OCA2: variants seen among roughly 807,000 people sequenced by gnomAD.
The protein encoded by OCA2 is OCA2 melanosomal transmembrane protein, also known as P protein.
OCA2 carries 77 observed loss-of-function variants against 100.2 expected under a neutral mutation model. The ratio of observed to expected loss-of-function variants is 0.77; its 90% confidence interval spans 0.64 to 0.93. The LOEUF (loss-of-function observed/expected upper bound fraction) is 0.93, where lower values mean the gene tolerates loss of function less well. Among genes scored for constraint, OCA2 ranks in the 40% least tolerant of loss-of-function variants. The pLI is 0.00. For synonymous variants in OCA2, 432 were observed against 439.2 expected (o/e 0.98, Z 0.21); for missense variants, 1,062 against 1,089.1 (o/e 0.98, Z 0.35).
At chr15:27,726,566 T>C in the OCA2 span, among the ~76,000 whole-genome samples, 1 of 152,222 alleles carries the variant, frequency 6.6e-6, no homozygotes, top group East Asian at 1.9e-4. Context: ...CCAGCTCTCC[T>C]GTGGCCAGAC....
chr15:27,988,664 T>C (rs547390493), intron 11 of OCA2, among the ~76,000 whole-genome samples: 3 of 152,324 alleles, frequency 2.0e-5, no homozygotes, highest in African/African-American at 4.8e-5. Context: ...CTTTGTTACA[T>C]AGTCCTAGCA....
intron 23 of OCA2, among the ~76,000 whole-genome samples, chr15:27,836,841 TA>T (rs756393203): frequency 9.8e-5 from 15 of 152,372 alleles, no homozygotes; most frequent in Middle Eastern, 3.4e-3. Context: ...ATTCTCTAGA[TA>T]TTTTTTTCAC....
intron 2 of OCA2, among the ~76,000 whole-genome samples, chr15:28,076,663 A>AG (rs2044435437): frequency 1.3e-5 from 2 of 151,104 alleles, no homozygotes; most frequent in African/African-American, 4.9e-5. Flanking sequence ...CTGGCTAACA[A>AG]GGTGAAACCC....
chr15:28,003,909 G>T (rs1295606553), intron 9 of OCA2, among the ~76,000 whole-genome samples: 1 of 152,236 alleles, frequency 6.6e-6, no homozygotes, highest in South Asian at 2.1e-4. Context: ...CCCCGAGCGG[G>T]GAAAGGTGAC....
At chr15:27,976,849 T>C (rs2040983427) in intron 14 of OCA2, among the ~76,000 whole-genome samples, 2 of 152,190 alleles carry the variant, frequency 1.3e-5, no homozygotes, top group African/African-American at 4.8e-5. Flanking sequence ...TTTGGGAGAA[T>C]TCACCAAAGA....
chr15:27,891,886 T>C (rs368397320), intron 19 of OCA2, among the ~76,000 whole-genome samples: 1 of 152,024 alleles, frequency 6.6e-6, no homozygotes, highest in Non-Finnish European at 1.5e-5. Flanking sequence ...GAAAAAGATA[T>C]GTTACACACA....
intron 14 of OCA2, among the ~76,000 whole-genome samples, chr15:27,980,244 C>A (rs2041114325): frequency 6.6e-6 from 1 of 152,096 alleles, no homozygotes; most frequent in African/African-American, 2.4e-5. Flanking sequence ...TCTCCTGCCT[C>A]AGCCTCCAGA....
At chr15:27,838,788 G>A (rs754656364) in intron 23 of OCA2, among the ~76,000 whole-genome samples, 4 of 152,166 alleles carry the variant, frequency 2.6e-5, no homozygotes, top group Non-Finnish European at 4.4e-5. Context: ...GTATTAGGAA[G>A]CAAAGTGTCT....
At chr15:27,873,256 G>A (rs1286772658) in intron 19 of OCA2, among the ~76,000 whole-genome samples, 1 of 152,180 alleles carries the variant, frequency 6.6e-6, no homozygotes, top group African/African-American at 2.4e-5. Flanking sequence ...CTGGCCTGGT[G>A]CCACTAGATG....
Position 27,788,179 on chromosome 15 carries a change from GA to G in OCA2, c.2433-32708del, listed in dbSNP as rs111575261. 6.1e-3 allele frequency among the ~76,000 whole-genome samples: 929 copies of G among 151,632 alleles called. 17 individuals carry two copies. Among genetic ancestry groups the G allele is most frequent in the African/African-American group, 0.021 (865 of 41,458 alleles). ...CCTGAAGAGTGTTCTTTGTAAGCTTGAAAAAAACAATGTGTATTCTGCCTTT... is the reference window on the plus strand; with the variant it reads ...CCTGAAGAGTGTTCTTTGTAAGCTTGAAAAAACAATGTGTATTCTGCCTTT... On this transcript the variant is annotated intron_variant, in intron 23 of 23. Coordinates refer to ENST00000354638, the MANE Select transcript of OCA2 (RefSeq NM_000275.3).
downstream of OCA2, among the ~76,000 whole-genome samples, chr15:27,754,034 C>G (rs1566935645): frequency 6.6e-6 from 1 of 152,066 alleles, no homozygotes; most frequent in Non-Finnish European, 1.5e-5. Flanking sequence ...AAAGTACGGG[C>G]AGCACGGGAG....
the OCA2 span, among the ~76,000 whole-genome samples, chr15:27,726,652 C>T: frequency 3.4e-4 from 51 of 152,168 alleles, 1 homozygote; most frequent in Non-Finnish European, 6.2e-4. Context: ...CTAGGGACAT[C>T]CTGAAGAGGA....
intron 6 of OCA2, among the ~76,000 whole-genome samples, chr15:28,019,178 A>C (rs901435011): frequency 2.6e-5 from 4 of 151,958 alleles, no homozygotes; most frequent in Admixed American, 2.0e-4. Flanking sequence ...GTGTGATACA[A>C]AATGCATCAC....
intron 23 of OCA2, among the ~76,000 whole-genome samples, chr15:27,805,540 C>A (rs918565146): frequency 6.6e-6 from 1 of 152,194 alleles, no homozygotes; most frequent in African/African-American, 2.4e-5. Flanking sequence ...GCGCATGGAG[C>A]CGCTCGCCCA....
At chr15:28,092,375 A>T (rs947104746) in intron 1 of OCA2, among the ~76,000 whole-genome samples, 1 of 152,046 alleles carries the variant, frequency 6.6e-6, no homozygotes, top group African/African-American at 2.4e-5. Flanking sequence ...ATTTTTTTTG[A>T]AACAGGGTCT....
At chr15:28,026,219 G>A (rs1370539938) in intron 4 of OCA2, among the ~76,000 whole-genome samples, 1 of 152,162 alleles carries the variant, frequency 6.6e-6, no homozygotes, top group Non-Finnish European at 1.5e-5. Flanking sequence ...AAGCTCAAAG[G>A]CAAATATTCC....
chr15:27,967,281 C>A (rs1204534584), intron 14 of OCA2, among the ~76,000 whole-genome samples: 6 of 152,156 alleles, frequency 3.9e-5, no homozygotes, highest in Admixed American at 2.6e-4. Context: ...GAGCCCAACA[C>A]AAAGCCCACG....
At chr15:27,831,581 C>T (rs1438165365) in intron 23 of OCA2, among the ~76,000 whole-genome samples, 1 of 152,252 alleles carries the variant, frequency 6.6e-6, no homozygotes. Flanking sequence ...CACACTGTGA[C>T]AGTCAAGGCC....
chr15:28,079,539 G>A (rs930118092), intron 2 of OCA2, among the ~76,000 whole-genome samples: 14 of 152,058 alleles, frequency 9.2e-5, no homozygotes, highest in African/African-American at 2.2e-4. Context: ...CCCTTCCCCC[G>A]AGAGCCCGCA....
Sources: gnomAD v4.1 joint callset for allele counts (sites outside exome capture counted in the v4.1 genomes callset) on GRCh38, gnomAD v4.1.1 for gene constraint, MANE v1.5 for transcripts, NCBI Gene and HGNC (gene_info 2026-07-23, HGNC 2026-07-21) for gene names.